The following PTTG1IP2 variants were observed in gnomAD, a reference collection of about 807,000 sequenced individuals.
PTTG1IP2 encodes PTTG1IP family member 2.
At chr7:90,489,551 T>C (rs1379548614) in intron 4 of PTTG1IP2, among the ~76,000 whole-genome samples, 3 of 151,912 alleles carry the variant, frequency 2.0e-5, no homozygotes, top group African/African-American at 7.2e-5. Context: ...CTCTCTTTCC[T>C]CTATCTCCTA....
chr7:90,478,298 T>C (rs1310163746), intron 1 of PTTG1IP2, among the ~76,000 whole-genome samples: 1 of 152,138 alleles, frequency 6.6e-6, no homozygotes, highest in East Asian at 1.9e-4. Flanking sequence ...GTTTCCCTGT[T>C]TCTGCCTTCC....
chr7:90,478,844 T>C (rs912399939), intron 1 of PTTG1IP2, among the ~76,000 whole-genome samples: 1 of 150,564 alleles, frequency 6.6e-6, no homozygotes, highest in Non-Finnish European at 1.5e-5. Flanking sequence ...TTTTTTTTTT[T>C]ACTATTTAAA....
chr7:90,493,319 C>A (rs1797960316), intron 5 of PTTG1IP2, among the ~76,000 whole-genome samples: 1 of 152,114 alleles, frequency 6.6e-6, no homozygotes, highest in African/African-American at 2.4e-5. Flanking sequence ...CTTTTGTCAA[C>A]TCCTAGACCT....
In PTTG1IP2 at chr7:90,472,279, AACACACACACACACAC is replaced by A. The variant is rs144907444; in HGVS notation, c.145+2375_145+2390del. Among the ~76,000 whole-genome samples, 430 of 138,046 alleles carry A rather than the reference AACACACACACACACAC, an allele frequency of 3.1e-3. 7 individuals carry two copies. The highest frequency in any genetic ancestry group is 0.021 in the Admixed American group (287 of 13,752). The allele number at this position is 138,046 out of a possible 152,430, so 90.6% of individuals were successfully genotyped here. On this transcript the variant is annotated intron_variant, in intron 1 of 6. Transcript: ENST00000509356. ...ATAAAGGAGTATACGATAGCATGCA[AACACACACACACACAC>A]ACACACACACACACACACACACACA...
intron 6 of PTTG1IP2, among the ~76,000 whole-genome samples, chr7:90,511,742 T>C (rs1310964023): frequency 7.9e-5 from 12 of 152,196 alleles, no homozygotes; most frequent in African/African-American, 2.4e-5. Context: ...TTTTACTCAA[T>C]AGAGTATAGA....
chr7:90,482,116 G>A (rs1797820812), intron 2 of PTTG1IP2, among the ~76,000 whole-genome samples: 1 of 152,180 alleles, frequency 6.6e-6, no homozygotes, highest in South Asian at 2.1e-4. Flanking sequence ...CCTCCCAGAA[G>A]TTGGAAGGAT....
At chr7:90,474,678 C>T (rs1387991124) in intron 1 of PTTG1IP2, among the ~76,000 whole-genome samples, 1 of 152,096 alleles carries the variant, frequency 6.6e-6, no homozygotes, top group Non-Finnish European at 1.5e-5. Flanking sequence ...CCTGGAAGGG[C>T]AGGAAAAGAT....
intron 2 of PTTG1IP2, among the ~76,000 whole-genome samples, chr7:90,485,250 A>G (rs1797861026): frequency 6.6e-6 from 1 of 152,132 alleles, no homozygotes; most frequent in African/African-American, 2.4e-5. Context: ...GGACAGGCAT[A>G]TTCTATTTTC....
intron 6 of PTTG1IP2, among the ~76,000 whole-genome samples, chr7:90,508,600 G>C (rs1307453179): frequency 6.6e-6 from 1 of 152,212 alleles, no homozygotes; most frequent in Admixed American, 6.5e-5. Flanking sequence ...GAACAGGTAA[G>C]GTGAGAACGT....
intron 6 of PTTG1IP2, among the ~76,000 whole-genome samples, chr7:90,508,193 A>G (rs1210147820): frequency 2.0e-5 from 3 of 151,658 alleles, no homozygotes; most frequent in Non-Finnish European, 4.4e-5. Flanking sequence ...CTTCAGCACA[A>G]GAAGCAGAGG....
At chr7:90,483,642 G>A (rs1336753294) in intron 2 of PTTG1IP2, among the ~76,000 whole-genome samples, 2 of 152,188 alleles carry the variant, frequency 1.3e-5, no homozygotes, top group East Asian at 1.9e-4. Flanking sequence ...TTAATCCTTA[G>A]CAACCTGATT....
At chr7:90,503,908 T>A (rs1255005164) in intron 6 of PTTG1IP2, among the ~76,000 whole-genome samples, 1 of 152,220 alleles carries the variant, frequency 6.6e-6, no homozygotes, top group Non-Finnish European at 1.5e-5. Context: ...GACACCAAGT[T>A]GCCATAAACC....
chr7:90,493,591 A>G (rs1286383174), intron 5 of PTTG1IP2, among the ~76,000 whole-genome samples: 3 of 152,230 alleles, frequency 2.0e-5, no homozygotes, highest in Non-Finnish European at 4.4e-5. Flanking sequence ...CTTTACACAG[A>G]TTGAGAATTG....
Position 90,487,341 on chromosome 7 carries a change from T to A in PTTG1IP2, c.207T>A (p.Ser69Arg), listed in dbSNP as rs1797886187. Residue 69 changes from serine (S) to arginine (R), a missense_variant, in exon 3 of 7, where the codon AGT (serine) becomes AGA (arginine). Ser to Arg is a moderately radical substitution (Grantham distance 110). Coordinates refer to ENST00000509356, the MANE Select transcript of PTTG1IP2 (RefSeq NM_001365443.2). Reference protein sequence around the residue: ...CTEDKKCVWCSEEKACKKYCF... With the variant: ...CTEDKKCVWCREEKACKKYCF... Reference sequence around the variant, plus strand: ...TCCAAATATAGTGTGTTTGGTGTAGTGAAGAAAAAGCATGCAAAAAATACT... The same window carrying A: ...TCCAAATATAGTGTGTTTGGTGTAGAGAAGAAAAAGCATGCAAAAAATACT... 6.6e-6 allele frequency: 1 copy of A among 152,640 alleles called. No homozygotes were observed. The highest frequency in any genetic ancestry group is 2.1e-4 in the South Asian group (1 of 4,834). 9.5% of individuals were successfully genotyped at this position (152,640 alleles called of 1,614,324 possible).
At chr7:90,491,696 G>C (rs1373255176) in intron 4 of PTTG1IP2, among the ~76,000 whole-genome samples, 2 of 151,602 alleles carry the variant, frequency 1.3e-5, no homozygotes, top group East Asian at 3.9e-4. Flanking sequence ...ACACAGACAA[G>C]TAAACAAGCA....
chr7:90,480,617 A>C (rs1196649593), intron 2 of PTTG1IP2, among the ~76,000 whole-genome samples: 1 of 152,176 alleles, frequency 6.6e-6, no homozygotes, highest in Non-Finnish European at 1.5e-5. Context: ...TTTAAATATT[A>C]CAAGTTCATC....
At chr7:90,499,429 T>G (rs1798035916) in intron 6 of PTTG1IP2, among the ~76,000 whole-genome samples, 2 of 152,204 alleles carry the variant, frequency 1.3e-5, no homozygotes, top group South Asian at 4.1e-4. Flanking sequence ...ACATTTCATT[T>G]TAAATCAAGA....
At chr7:90,496,541 C>T (rs1797993647) in intron 6 of PTTG1IP2, among the ~76,000 whole-genome samples, 1 of 152,024 alleles carries the variant, frequency 6.6e-6, no homozygotes, top group African/African-American at 2.4e-5. Context: ...TGTAGTCTAT[C>T]TAAAGGGCTG....
intron 1 of PTTG1IP2, among the ~76,000 whole-genome samples, chr7:90,476,682 G>A (rs1007670099): frequency 6.4e-4 from 98 of 152,122 alleles, no homozygotes; most frequent in African/African-American, 2.2e-3. Context: ...TTAAGTCAAA[G>A]AAAAAGTGAT....
Sources: allele counts gnomAD v4.1 joint callset (sites outside exome capture counted in the v4.1 genomes callset), GRCh38; gene constraint gnomAD v4.1.1; transcripts MANE v1.5; gene names NCBI Gene and HGNC (gene_info 2026-07-23, HGNC 2026-07-21).